Variants in USP6NL observed in about 807,000 individuals in gnomAD.
USP6NL encodes the protein USP6 N-terminal like, also known as USP6 N-terminal-like protein.
A neutral mutation model predicts 61.9 loss-of-function variants in USP6NL; 26 were observed. That is an observed-to-expected ratio of 0.42 (90% confidence interval 0.31 to 0.58). The LOEUF (loss-of-function observed/expected upper bound fraction) is 0.58, where lower values mean the gene tolerates loss of function less well. Among genes scored for constraint, USP6NL ranks in the 20% least tolerant of loss-of-function variants. The pLI, the probability that USP6NL is intolerant of heterozygous loss-of-function variation, is 0.16. For missense variants in USP6NL, 1,114 were observed against 1,034.3 expected (o/e 1.08, Z -1.06); for synonymous variants, 432 against 390.1 (o/e 1.11, Z -1.27).
chr10:11,504,210 CTTA>C (rs1834336527), intron 6 of USP6NL, among the ~76,000 whole-genome samples: 1 of 152,148 alleles, frequency 6.6e-6, no homozygotes, highest in Non-Finnish European at 1.5e-5. Flanking sequence ...GACAGACTAA[CTTA>C]TTACAGTTAC....
intron 2 of USP6NL, among the ~76,000 whole-genome samples, chr10:11,594,367 T>C (rs1838255476): frequency 6.6e-6 from 1 of 152,224 alleles, no homozygotes; most frequent in Admixed American, 6.5e-5. Flanking sequence ...ACTGCCTGTG[T>C]AACCAATCTT....
intron 2 of USP6NL, among the ~76,000 whole-genome samples, chr10:11,542,176 A>G (rs1345672873): frequency 6.6e-6 from 1 of 152,220 alleles, no homozygotes; most frequent in Non-Finnish European, 1.5e-5. Flanking sequence ...AATATTCATT[A>G]ATTCAGAAAG....
At chr10:11,534,190 G>C (rs1835754153) in intron 2 of USP6NL, among the ~76,000 whole-genome samples, 1 of 152,202 alleles carries the variant, frequency 6.6e-6, no homozygotes, top group African/African-American at 2.4e-5. Flanking sequence ...TCCTCTTAGT[G>C]ATTTTCCATC....
In USP6NL at chr10:11,562,286, T is replaced by A; in HGVS notation, c.5-34719A>T. On this transcript the variant is annotated intron_variant, in intron 2 of 14. Transcript: ENST00000609104. The surrounding 1 kb of genome is among the most constrained non-coding windows in gnomAD (Gnocchi z 4.8). The stretch of plus-strand genomic sequence containing the variant: ...CAAAAAAAAAAAAAAAAAATTGCAT[T>A]CCCAGGACCCCCCTGCAGCTAGCAG... 4.2e-6 allele frequency: 3 copies of A among 717,402 alleles called. No individual in the cohort carries two copies. Among genetic ancestry groups the A allele is most frequent in the Non-Finnish European group, 5.1e-6 (3 of 584,662 alleles). The allele number at this position is 717,402 out of a possible 1,614,324, so 44.4% of individuals were successfully genotyped here. A position where few individuals can be genotyped will look rare whatever the true frequency, so the allele number is the denominator to read the frequency against.
chr10:11,462,660 AGCATCTCGGGTCCATGATTGTCCCT>A lies in USP6NL; in HGVS notation c.2243_2267del (p.Gln748LeufsTer27). On this transcript the variant is annotated frameshift_variant, in exon 15 of 15. Coordinates refer to ENST00000609104, the MANE Select transcript of USP6NL (RefSeq NM_014688.5). LOFTEE classifies it low-confidence loss of function (END_TRUNC). ...AGTATTTTGGTAAATTGCCACGGCT[AGCATCTCGGGTCCATGATTGTCCCT>A]GCGTCTCAGGTCTGTATGTATAACT... 1.2e-6 allele frequency: 2 copies of A among 1,614,046 alleles called. No individual in the cohort carries two copies. The highest frequency in any genetic ancestry group is 1.7e-6 in the Non-Finnish European group (2 of 1,179,888).
intron 4 of USP6NL, among the ~76,000 whole-genome samples, chr10:11,521,141 T>C (rs1460496994): frequency 6.6e-6 from 1 of 152,086 alleles, no homozygotes; most frequent in Non-Finnish European, 1.5e-5. Context: ...TGAACTTTCA[T>C]TTGGAAACTT....
intron 1 of USP6NL, among the ~76,000 whole-genome samples, chr10:11,601,201 A>G (rs1838516716): frequency 6.6e-6 from 1 of 152,232 alleles, no homozygotes; most frequent in African/African-American, 2.4e-5. Context: ...GCACATCAAC[A>G]AATATCACAA....
chr10:11,590,849 G>A (rs1838139202), intron 2 of USP6NL, among the ~76,000 whole-genome samples: 1 of 152,100 alleles, frequency 6.6e-6, no homozygotes, highest in Non-Finnish European at 1.5e-5. Flanking sequence ...TGGAAAATCA[G>A]ACTCTGAGCA....
intron 1 of USP6NL, among the ~76,000 whole-genome samples, chr10:11,605,244 C>T (rs1403500542): frequency 6.6e-6 from 1 of 152,114 alleles, no homozygotes; most frequent in Non-Finnish European, 1.5e-5. Context: ...GTCTTCAAGG[C>T]TAGGAGGACA....
chr10:11,572,283 T>C (rs1402440386), intron 2 of USP6NL, among the ~76,000 whole-genome samples: 1 of 152,072 alleles, frequency 6.6e-6, no homozygotes, highest in Non-Finnish European at 1.5e-5. Context: ...AATACCTAAT[T>C]GTTAGAATCC....
intron 4 of USP6NL, among the ~76,000 whole-genome samples, chr10:11,519,456 C>G (rs1041568711): frequency 1.3e-5 from 2 of 152,038 alleles, no homozygotes; most frequent in South Asian, 2.1e-4. Context: ...ATGGTGAAAC[C>G]CTGTCCCTGC....
At position 11,540,041 on chromosome 10, in the gene USP6NL, G is replaced by A. The variant is rs887552979; in HGVS notation, c.5-12474C>T. The stretch of plus-strand genomic sequence containing the variant: ...AACCATCAAGTGCTTTTGTTGAAGT[G>A]TAAGTATTAATAGTTGATCTTATAC... On this transcript the variant is annotated intron_variant, in intron 2 of 14. Coordinates refer to ENST00000609104, the MANE Select transcript of USP6NL (RefSeq NM_014688.5). The surrounding 1 kb of genome is among the most constrained non-coding windows in gnomAD (Gnocchi z 5.0). 6.6e-5 allele frequency among the ~76,000 whole-genome samples: 10 copies of A among 152,210 alleles called. No homozygotes were observed. Among genetic ancestry groups the A allele is most frequent in the Non-Finnish European group, 8.8e-5 (6 of 68,026 alleles).
chr10:11,513,594 T>C lies in USP6NL; in HGVS notation c.196-3919A>G, dbSNP rs1337731513. Among the ~76,000 whole-genome samples the C allele has an allele frequency of 6.6e-6, 1 of 152,196 alleles. No homozygotes were observed. Among genetic ancestry groups the C allele is most frequent in the Admixed American group, 6.5e-5 (1 of 15,284 alleles). On this transcript the variant is annotated intron_variant, in intron 5 of 14. Coordinates refer to ENST00000609104, the MANE Select transcript of USP6NL (RefSeq NM_014688.5). This position sits in a 1 kb window ranked among gnomAD's most constrained non-coding sequence, Gnocchi z 4.7. Reference sequence around the variant, plus strand: ...TTTTGCTAGATTTCATTTATACTATTTAGGTTTTTAGGGGGAACTGATCAT... The same window carrying C: ...TTTTGCTAGATTTCATTTATACTATCTAGGTTTTTAGGGGGAACTGATCAT...
At chr10:11,535,170 G>A (rs978585201) in intron 2 of USP6NL, among the ~76,000 whole-genome samples, 1 of 152,180 alleles carries the variant, frequency 6.6e-6, no homozygotes, top group African/African-American at 2.4e-5. Flanking sequence ...CAGAGGCAAT[G>A]GGCCCTGTTT....
chr10:11,552,717 T>C (rs1223632353), intron 2 of USP6NL, among the ~76,000 whole-genome samples: 2 of 152,246 alleles, frequency 1.3e-5, no homozygotes, highest in African/African-American at 4.8e-5. Flanking sequence ...CTTTAGGTAA[T>C]GAAACACTTA....
At chr10:11,503,960 T>A (rs1834323963) in intron 6 of USP6NL, among the ~76,000 whole-genome samples, 1 of 152,158 alleles carries the variant, frequency 6.6e-6, no homozygotes, top group Admixed American at 6.5e-5. Context: ...ATACATGGAA[T>A]AGCGAACAGG....
chr10:11,526,888 T>C (rs1460134715), intron 3 of USP6NL, among the ~76,000 whole-genome samples: 2 of 152,206 alleles, frequency 1.3e-5, no homozygotes, highest in Non-Finnish European at 2.9e-5. Context: ...ATGGAAATTA[T>C]ACACACTTGT....
At chr10:11,565,878 G>A (rs1025585547) in intron 2 of USP6NL, among the ~76,000 whole-genome samples, 10 of 152,088 alleles carry the variant, frequency 6.6e-5, no homozygotes, top group East Asian at 5.8e-4. Flanking sequence ...TTGAACAAAC[G>A]TAGTTTTGAT....
Position 11,564,245 on chromosome 10 carries a change from CATTTAAATTAT to C in USP6NL, c.4+33375_4+33385del, listed in dbSNP as rs1837041856. Reference sequence around the variant, plus strand: ...TTATCTGAATGAAGATACTTCAGCACATTTAAATTATATTTAAATTATATCAAGATAGTGCT... The same window carrying C: ...TTATCTGAATGAAGATACTTCAGCACATTTAAATTATATCAAGATAGTGCT... On this transcript the variant is annotated intron_variant, in intron 2 of 14. Transcript: ENST00000609104. 2 of 152,148 alleles carry C rather than the reference CATTTAAATTAT, an allele frequency of 1.3e-5. 1 individual carries two copies. The highest frequency in any genetic ancestry group is 4.1e-4 in the South Asian group (2 of 4,828). The allele number at this position is 152,148 out of a possible 1,614,324, so 9.4% of individuals were successfully genotyped here.
Sources: allele counts gnomAD v4.1 joint callset (sites outside exome capture counted in the v4.1 genomes callset), GRCh38; gene constraint gnomAD v4.1.1; non-coding constraint Gnocchi (gnomAD v3.1); transcripts MANE v1.5; gene names NCBI Gene and HGNC (gene_info 2026-07-23, HGNC 2026-07-21).